The following SETDB1 variants were observed in gnomAD, a reference collection of about 807,000 sequenced individuals.
SETDB1 encodes the protein histone-lysine N-methyltransferase SETDB1.
SETDB1 carries 31 observed loss-of-function variants against 137.4 expected under a neutral mutation model. The ratio of observed to expected loss-of-function variants is 0.23; its 90% CI spans 0.17 to 0.30. The LOEUF (loss-of-function observed/expected upper bound fraction) is 0.30, where lower values mean the gene tolerates loss of function less well. Ranked by LOEUF, SETDB1 falls within the 10% of genes least tolerant of loss-of-function variation. The pLI, the probability that SETDB1 is intolerant of heterozygous loss-of-function variation, is 1.00. For synonymous variants in SETDB1, 548 were observed against 579.9 expected, an observed-to-expected ratio of 0.95 and a Z score of 0.79; for missense variants, 1,113 against 1,631.5, an observed-to-expected ratio of 0.68 and a Z score of 5.47.
intron 1 of SETDB1, 194 bp downstream of exon 1, chr1:150,926,711 G>C: frequency 1.9e-6 from 1 of 532,340 alleles, no homozygotes; most frequent in East Asian, 5.5e-5. Context: ...TGTGTGGGCA[G>C]AGGAAAATGG....
chr1:150,941,849 T>A (rs1044435945), intron 5 of SETDB1, among the ~76,000 whole-genome samples: 1 of 151,974 alleles, frequency 6.6e-6, no homozygotes, highest in East Asian at 1.9e-4. Flanking sequence ...TGTTTAAAAA[T>A]TCTCCAGATG....
In SETDB1 at chr1:150,940,617, C is replaced by T. The variant is rs372208871; in HGVS notation, c.447+643C>T. Among the ~76,000 whole-genome samples, 246 of 151,832 alleles carry T rather than the reference C, an allele frequency of 1.6e-3. 1 individual carries two copies. Among genetic ancestry groups the T allele is most frequent in the African/African-American group, 5.7e-3 (236 of 41,418 alleles). ...GCGTGGTGGCTTACGCCTGTAATCC[C>T]AGCACTTTGGGAGGCTGAGGCAGGT... On this transcript the variant is annotated intron_variant, in intron 4 of 21. Transcript: ENST00000692827.
intron 16 of SETDB1, chr1:150,961,587 G>A (rs1670824960): frequency 4.4e-6 from 1 of 226,328 alleles, no homozygotes; most frequent in Non-Finnish European, 8.9e-6. Flanking sequence ...CCTGGAGGGT[G>A]GAGGTGCAGT....
intron 3 of SETDB1, among the ~76,000 whole-genome samples, chr1:150,930,908 ATCTT>A (rs931131090): frequency 1.4e-4 from 22 of 152,184 alleles, no homozygotes; most frequent in African/African-American, 2.6e-4. Flanking sequence ...TACCCTGGAT[ATCTT>A]TCTTTTTCTT....
At chr1:150,954,095 C>T (rs968715031) in intron 14 of SETDB1, among the ~76,000 whole-genome samples, 1 of 152,112 alleles carries the variant, frequency 6.6e-6, no homozygotes, top group African/African-American at 2.4e-5. Context: ...ACCTCATGAT[C>T]CGTCTGCCTC....
intron 9 of SETDB1, among the ~76,000 whole-genome samples, chr1:150,946,462 G>A (rs1048893443): frequency 1.3e-5 from 2 of 150,394 alleles, no homozygotes; most frequent in Admixed American, 6.6e-5. Context: ...ATTTTTTTTT[G>A]GGGGGGATGG....
At position 150,961,166 on chromosome 1, in the gene SETDB1, G is replaced by A; in HGVS notation, c.3107G>A (p.Gly1036Glu). 2.5e-6 allele frequency: 4 copies of A among 1,613,656 alleles called. No homozygotes were observed. Among genetic ancestry groups the A allele is most frequent in the Non-Finnish European group, 3.4e-6 (4 of 1,180,032 alleles). The change falls in exon 16 of 22, where the codon GGA (glycine) becomes GAA (glutamate). Residue 1036 changes from glycine to glutamate, a missense_variant. Gly to Glu is a moderately conservative substitution (Grantham distance 98, BLOSUM62 -2). This residue lies in a region of SETDB1 where 373 missense variants were observed against 412.7 expected (regional missense o/e 0.90). Coordinates refer to ENST00000692827, the MANE Select transcript of SETDB1 (RefSeq NM_001366418.1). The part of the protein sequence containing the change: ...STSGLGIKDE[G>E]DIKQAKKEDT... The stretch of plus-strand genomic sequence containing the variant: ...TCAGGACTAGGCATCAAGGATGAGG[G>A]AGACATCAAACAGGCCAAGAAAGAG...
chr1:150,929,834 C>T (rs1669669280), intron 2 of SETDB1, 133 bp from the exon 3 acceptor site: 1 of 723,874 alleles, frequency 1.4e-6, no homozygotes, highest in Non-Finnish European at 2.3e-6. Context: ...AAATTCTAAA[C>T]AGAGACACTT....
chr1:150,950,421 T>C, intron 12 of SETDB1, 37 bp from the exon 13 acceptor site: 3 of 1,518,936 alleles, frequency 2.0e-6, no homozygotes, highest in Non-Finnish European at 1.8e-6. Flanking sequence ...AGAGGTCCTG[T>C]TGCCTTCCGA....
intron 16 of SETDB1, 187 bp from the exon 17 acceptor site, chr1:150,961,943 C>T: frequency 1.4e-6 from 1 of 705,936 alleles, no homozygotes; most frequent in South Asian, 1.6e-5. Flanking sequence ...ACTGAGAAGG[C>T]TTAAAGGCTC....
At chr1:150,927,526 TAAG>T (rs1341783544) in intron 1 of SETDB1, among the ~76,000 whole-genome samples, 175 bp from the exon 2 acceptor site, 3 of 152,140 alleles carry the variant, frequency 2.0e-5, no homozygotes, top group African/African-American at 4.8e-5. Flanking sequence ...CAGCAGAAGA[TAAG>T]AACTCTTAAA....
Position 150,948,562 on chromosome 1 carries a change from C to T in SETDB1, c.1268-560C>T, listed in dbSNP as rs1188733008. On this transcript the variant is annotated intron_variant, in intron 10 of 21. Coordinates refer to ENST00000692827, the MANE Select transcript of SETDB1 (RefSeq NM_001366418.1). ...CTGGGATTAAAGGCATGAGCCACCG[C>T]GCCTGGCCGTTATTCTTTTATTCCT... Among the ~76,000 whole-genome samples the T allele has an allele frequency of 2.6e-5, 4 of 152,068 alleles. No individual in the cohort carries two copies. In the South Asian group the frequency reaches 6.2e-4, roughly 24 times the overall value.
chr1:150,964,137 T>G (rs1384947575), intron 21 of SETDB1, 54 bp downstream of exon 21: 35 of 1,550,164 alleles, frequency 2.3e-5, no homozygotes, highest in Non-Finnish European at 1.8e-6. Context: ...ACTGAAGTTC[T>G]AAGGGCCCCT....
intron 3 of SETDB1, among the ~76,000 whole-genome samples, chr1:150,936,699 T>A (rs1018541691): frequency 7.9e-5 from 12 of 152,122 alleles, no homozygotes; most frequent in Admixed American, 4.6e-4. Context: ...TGATATATAT[T>A]TTTTTAGACA....
intron 5 of SETDB1, among the ~76,000 whole-genome samples, chr1:150,942,151 A>C (rs1670184192): frequency 7.3e-6 from 1 of 137,860 alleles, no homozygotes; most frequent in African/African-American, 2.8e-5. Flanking sequence ...AAAAAAAAAA[A>C]AAAAATTGGC....
chr1:150,932,775 C>T (rs933283956), intron 3 of SETDB1, among the ~76,000 whole-genome samples: 1 of 152,110 alleles, frequency 6.6e-6, no homozygotes, highest in African/African-American at 2.4e-5. Flanking sequence ...GACCTTTCTT[C>T]CTTTCTAATA....
chr1:150,942,459 AAAAT>A, intron 5 of SETDB1, 100 bp from the exon 6 acceptor site: 1 of 1,022,536 alleles, frequency 9.8e-7, no homozygotes, highest in East Asian at 2.5e-5. Flanking sequence ...AAAAAAAAAA[AAAAT>A]TACCCCACTT....
intron 13 of SETDB1, 113 bp downstream of exon 13, chr1:150,951,203 C>G: frequency 3.9e-6 from 5 of 1,280,474 alleles, no homozygotes; most frequent in Non-Finnish European, 5.5e-6. Context: ...TTTACCTCCT[C>G]CCTCACCTGG....
Position 150,960,807 on chromosome 1 carries a change from C to A in SETDB1, c.2748C>A (p.Asp916Glu). ...ATGATAACTTCTGTAAGGATGAGGA[C>A]TTCAGCACCAGTTCAGTGTGGCGGA... is the stretch of plus-strand genomic sequence containing the variant. ...SSDDNFCKDE[D>E]FSTSSVWRSY... The change falls in exon 16 of 22, where the codon GAC (aspartate) becomes GAA (glutamate). Residue 916 changes from aspartate (D) to glutamate (E), a missense_variant. Transcript: ENST00000692827. 6.2e-7 allele frequency: 1 copy of A among 1,608,070 alleles called. No individual in the cohort carries two copies. The highest frequency in any genetic ancestry group is 8.5e-7 in the Non-Finnish European group (1 of 1,177,178).
Sources: allele counts gnomAD v4.1 joint callset (sites outside exome capture counted in the v4.1 genomes callset), GRCh38; gene constraint gnomAD v4.1.1; regional missense constraint gnomAD v4.1.1; transcripts MANE v1.5; gene names NCBI Gene and HGNC (gene_info 2026-07-23, HGNC 2026-07-21).